The following ANKRD44 variants were observed in gnomAD, a reference collection of about 807,000 sequenced individuals.
The protein encoded by ANKRD44 is serine/threonine-protein phosphatase 6 regulatory ankyrin repeat subunit B.
In ANKRD44, 35 loss-of-function variants were observed where a neutral mutation model predicts 116.0. The observed-to-expected ratio is 0.30, with a 90% confidence interval of 0.23 to 0.40. The LOEUF (loss-of-function observed/expected upper bound fraction) is 0.40, where lower values mean the gene tolerates loss of function less well. ANKRD44 is among the 10% of genes least tolerant of loss of function. The pLI is 1.00. For synonymous variants in ANKRD44, 435 were observed against 461.8 expected (o/e 0.94, Z 0.74); for missense variants, 1,014 against 1,242.6 (o/e 0.82, Z 2.77).
intron 3 of ANKRD44, among the ~76,000 whole-genome samples, chr2:197,138,080 C>CACTAAT (rs1294579179): frequency 6.6e-6 from 1 of 152,164 alleles, no homozygotes; most frequent in Admixed American, 6.5e-5. Context: ...GACCAAGAGC[C>CACTAAT]ACTAATCTGC....
chr2:197,184,786 C>G (rs2080613019), intron 2 of ANKRD44, among the ~76,000 whole-genome samples: 1 of 152,078 alleles, frequency 6.6e-6, no homozygotes. Context: ...AGGACCACCC[C>G]TCTAATATGT....
At chr2:197,199,369 A>T (rs564012075) in intron 1 of ANKRD44, 8 of 152,348 alleles carry the variant, frequency 5.3e-5, no homozygotes, top group Non-Finnish European at 1.2e-4. Flanking sequence ...AATAGGAAGT[A>T]CTATGGGAAA....
chr2:196,999,448 C>A (rs370228244), intron 23 of ANKRD44, among the ~76,000 whole-genome samples: 1 of 152,086 alleles, frequency 6.6e-6, no homozygotes, highest in African/African-American at 2.4e-5. Flanking sequence ...TGCTTAATTT[C>A]TTTTAGAGGA....
intron 1 of ANKRD44, among the ~76,000 whole-genome samples, chr2:197,298,933 G>C (rs749329283): frequency 1.8e-4 from 28 of 151,576 alleles, no homozygotes; most frequent in Non-Finnish European, 3.1e-4. Context: ...AAAAAAGAAA[G>C]AGAGAGAAAA....
chr2:197,299,571 TA>T (rs1414384102), intron 1 of ANKRD44: 1 of 152,174 alleles, frequency 6.6e-6, no homozygotes, highest in Non-Finnish European at 1.5e-5. Context: ...CTAACTGAAA[TA>T]ACTCAGAAAT....
intron 10 of ANKRD44, among the ~76,000 whole-genome samples, chr2:197,091,451 T>A (rs1392445630): frequency 6.6e-6 from 1 of 152,240 alleles, no homozygotes; most frequent in Non-Finnish European, 1.5e-5. Flanking sequence ...CTCCTTGGGC[T>A]CAGGTGATCC....
chr2:196,989,097 G>A lies in ANKRD44; in HGVS notation c.*494C>T. On this transcript the variant is annotated 3_prime_UTR_variant, in exon 28 of 28. Coordinates refer to ENST00000282272, the MANE Select transcript of ANKRD44 (RefSeq NM_001195144.2). ...AGTGGAAATGCTAGGTTTGGCCCTT[G>A]GGCTTTTGGCTAGCCCAGGGTCAAG... 1.0e-6 allele frequency: 1 copy of A among 985,290 alleles called. No homozygotes were observed. The highest frequency in any genetic ancestry group is 1.2e-6 in the Non-Finnish European group (1 of 829,970). The allele number at this position is 985,290 out of a possible 1,614,324, so 61.0% of individuals were successfully genotyped here.
intron 16 of ANKRD44, among the ~76,000 whole-genome samples, chr2:197,026,284 AG>A (rs2076593610): frequency 6.6e-6 from 1 of 152,232 alleles, no homozygotes; most frequent in South Asian, 2.1e-4. Flanking sequence ...CTACTATAAA[AG>A]AAAGAAGTTT....
At chr2:197,055,000 G>A (rs1488580854) in intron 16 of ANKRD44, among the ~76,000 whole-genome samples, 1 of 152,128 alleles carries the variant, frequency 6.6e-6, no homozygotes, top group Non-Finnish European at 1.5e-5. Flanking sequence ...AAACTTACCT[G>A]TTCTATTTCT....
chr2:197,254,769 T>C (rs2082407349), intron 1 of ANKRD44, among the ~76,000 whole-genome samples: 2 of 152,220 alleles, frequency 1.3e-5, no homozygotes, highest in East Asian at 1.9e-4. Flanking sequence ...CACACACATA[T>C]ATATATATTT....
chr2:197,076,681 G>A lies in ANKRD44; in HGVS notation c.1650+2022C>T, dbSNP rs529007774. Among the ~76,000 whole-genome samples the A allele has an allele frequency of 2.6e-5, 4 of 151,572 alleles. No homozygotes were observed. The South Asian group carries it at 8.4e-4, about 32-fold the overall frequency. On this transcript the variant is annotated intron_variant, in intron 16 of 27. Coordinates refer to ENST00000282272, the MANE Select transcript of ANKRD44 (RefSeq NM_001195144.2). ...ACCCTCCACCCTTAAGTAGGCCCCAGTGTCTGTAGTTCCCCTCTTTGTGTC... is the reference window on the plus strand; with the variant it reads ...ACCCTCCACCCTTAAGTAGGCCCCAATGTCTGTAGTTCCCCTCTTTGTGTC...
At chr2:197,022,278 C>T (rs978991398) in intron 17 of ANKRD44, among the ~76,000 whole-genome samples, 4 of 152,138 alleles carry the variant, frequency 2.6e-5, no homozygotes, top group African/African-American at 4.8e-5. Context: ...AGGAATCCAC[C>T]GTAATCACCC....
chr2:197,123,756 G>A (rs1009376457), intron 6 of ANKRD44, among the ~76,000 whole-genome samples: 2 of 152,176 alleles, frequency 1.3e-5, no homozygotes, highest in African/African-American at 4.8e-5. Context: ...TAGAAGACAA[G>A]TACTGACTCC....
intron 1 of ANKRD44, among the ~76,000 whole-genome samples, chr2:197,189,316 A>T (rs1359868623): frequency 6.6e-6 from 1 of 152,238 alleles, no homozygotes; most frequent in Non-Finnish European, 1.5e-5. Context: ...ACACCCTCTC[A>T]ATTCTGCTTC....
rs75600123 is a variant in ANKRD44, at chr2:197,153,225, CAAAAAAAAAAA to C, written c.112-6131_112-6121del. On this transcript the variant is annotated intron_variant, in intron 2 of 27. Coordinates refer to ENST00000282272, the MANE Select transcript of ANKRD44 (RefSeq NM_001195144.2). ...TCTGGGTGACAGAGCAAGACCCTGC[CAAAAAAAAAAA>C]AAAAAAAAAAAGAAGAAACAAGAAG... 2.7e-4 allele frequency among the ~76,000 whole-genome samples: 19 copies of C among 69,356 alleles called. No individual in the cohort carries two copies. In the Admixed American group the frequency reaches 4.2e-3, roughly 15 times the overall value. 45.5% of individuals were successfully genotyped at this position (69,356 alleles called of 152,430 possible).
intron 8 of ANKRD44, among the ~76,000 whole-genome samples, chr2:197,117,482 C>A (rs186459073): frequency 6.6e-6 from 1 of 152,306 alleles, no homozygotes; most frequent in East Asian, 1.9e-4. Flanking sequence ...TCGTGATCTG[C>A]CTGCCTTGGC....
chr2:196,986,320 T>G (rs1227356328), downstream of ANKRD44, among the ~76,000 whole-genome samples: 1 of 151,790 alleles, frequency 6.6e-6, no homozygotes, highest in Admixed American at 6.6e-5. Flanking sequence ...GAGGCTGAGG[T>G]AGGAAGATTA....
At chr2:197,227,627 C>T (rs1440268640) in intron 1 of ANKRD44, among the ~76,000 whole-genome samples, 1 of 150,826 alleles carries the variant, frequency 6.6e-6, no homozygotes, top group African/African-American at 2.5e-5. Flanking sequence ...CCTTTGGGGG[C>T]AAGAAGAAAA....
chr2:197,094,605 TATA>T (rs2078119677), intron 10 of ANKRD44, among the ~76,000 whole-genome samples: 2 of 152,236 alleles, frequency 1.3e-5, no homozygotes, highest in Admixed American at 6.5e-5. Context: ...CTAAATTCTT[TATA>T]ATATTTACCT....
Sources: allele counts gnomAD v4.1 joint callset (sites outside exome capture counted in the v4.1 genomes callset), GRCh38; gene constraint gnomAD v4.1.1; transcripts MANE v1.5; gene names NCBI Gene and HGNC (gene_info 2026-07-23, HGNC 2026-07-21).